Variants in ANO6 observed in about 807,000 individuals in gnomAD.
The protein encoded by ANO6 is anoctamin-6.
Under a neutral mutation model 117.5 loss-of-function variants are expected in ANO6, and 106 were observed. That is an observed-to-expected ratio of 0.90 (90% confidence interval 0.77 to 1.06). ANO6 has a LOEUF of 1.06. ANO6 is among the 50% of genes least tolerant of loss of function. The pLI, the probability that ANO6 is intolerant of heterozygous loss-of-function variation, is 0.00. For synonymous variants in ANO6, 367 were observed against 385.1 expected, an observed-to-expected ratio of 0.95 and a Z score of 0.55; for missense variants, 955 against 1,121.1, an observed-to-expected ratio of 0.85 and a Z score of 2.12.
rs979984506 is a variant in ANO6 at position 45,416,584 on chromosome 12, G to C, written c.2012-115G>C. 1.3e-5 allele frequency: 11 copies of C among 873,400 alleles called. No homozygotes were observed. In the East Asian group the frequency reaches 2.9e-4, roughly 23 times the overall value. 54.1% of individuals were successfully genotyped at this position (873,400 alleles called of 1,614,324 possible). The stretch of plus-strand genomic sequence containing the variant: ...GAACACTAAATTATTATTTACCACA[G>C]ATGTGTTTTCTCTCTGGGATTTAGT... On this transcript the variant is annotated intron_variant, in intron 16 of 19. Transcript: ENST00000320560.
intron 12 of ANO6, among the ~76,000 whole-genome samples, chr12:45,400,307 T>C (rs1942749346): frequency 6.6e-6 from 1 of 152,198 alleles, no homozygotes; most frequent in African/African-American, 2.4e-5. Flanking sequence ...AAACACATAA[T>C]AAACACCCTG....
At chr12:45,247,455 T>G (rs1271414135) in intron 1 of ANO6, among the ~76,000 whole-genome samples, 1 of 152,220 alleles carries the variant, frequency 6.6e-6, no homozygotes. Context: ...GTAATTTGCC[T>G]AATGTTATGT....
intron 1 of ANO6, among the ~76,000 whole-genome samples, chr12:45,278,335 A>C (rs1938617015): frequency 1.3e-5 from 2 of 152,114 alleles, no homozygotes; most frequent in African/African-American, 4.8e-5. Flanking sequence ...TTTAATTCCT[A>C]ATCCTTTTCA....
chr12:45,359,595 G>T (rs1311380648), intron 8 of ANO6, among the ~76,000 whole-genome samples: 1 of 151,794 alleles, frequency 6.6e-6, no homozygotes, highest in Admixed American at 6.6e-5. Flanking sequence ...TGTTTTCAAG[G>T]TTCATCCATG....
chr12:45,384,138 A>G (rs956405606), intron 10 of ANO6, among the ~76,000 whole-genome samples: 1 of 152,184 alleles, frequency 6.6e-6, no homozygotes, highest in African/African-American at 2.4e-5. Context: ...AACCTCATGA[A>G]CCAACCTCTG....
intron 1 of ANO6, chr12:45,228,289 TC>T: frequency 3.8e-6 from 1 of 264,342 alleles, no homozygotes; most frequent in South Asian, 3.1e-5. Flanking sequence ...CACCAGGCCC[TC>T]CTTTTTTTTT....
intron 2 of ANO6, among the ~76,000 whole-genome samples, chr12:45,309,692 A>G (rs545978916): frequency 3.7e-5 from 1 of 27,062 alleles, no homozygotes; most frequent in Admixed American, 4.6e-4. Flanking sequence ...TTTCTTGGCT[A>G]ATCCCAGAAA....
At chr12:45,302,421 A>G (rs568031458) in intron 2 of ANO6, among the ~76,000 whole-genome samples, 2 of 152,314 alleles carry the variant, frequency 1.3e-5, no homozygotes, top group African/African-American at 2.4e-5. Flanking sequence ...TGTTGTTAGT[A>G]ACTCTGGAAA....
At chr12:45,306,659 A>T (rs1299021262) in intron 2 of ANO6, among the ~76,000 whole-genome samples, 1 of 152,146 alleles carries the variant, frequency 6.6e-6, no homozygotes, top group South Asian at 2.1e-4. Context: ...ATCCCAAGGA[A>T]GAGTTAAAAT....
chr12:45,287,894 T>C (rs1277601539), intron 1 of ANO6, among the ~76,000 whole-genome samples: 1 of 152,208 alleles, frequency 6.6e-6, no homozygotes, highest in Non-Finnish European at 1.5e-5. Context: ...TACATTTTTT[T>C]AACCCCATAT....
At chr12:45,425,486 G>A (rs73283320) in intron 19 of ANO6, among the ~76,000 whole-genome samples, 14 of 152,250 alleles carry the variant, frequency 9.2e-5, no homozygotes, top group African/African-American at 2.4e-4. Context: ...GAAAGTAACC[G>A]GAGGGAAAAA....
rs12298823 is a variant in ANO6 at position 45,406,098 on chromosome 12, C to T, written c.1880+2562C>T. Among the ~76,000 whole-genome samples the T allele has an allele frequency of 9.6e-3, 1,465 of 152,312 alleles. 25 individuals carry two copies. The highest frequency in any genetic ancestry group is 0.034 in the African/African-American group (1,406 of 41,564). On this transcript the variant is annotated intron_variant, in intron 15 of 19. Coordinates refer to ENST00000320560, the MANE Select transcript of ANO6 (RefSeq NM_001025356.3). Reference sequence around the variant, plus strand: ...CCTTCCTTCCTCTCCCGCCTTTGGGCCCATACCCCTTGACTAGGATTCTTG... The same window carrying T: ...CCTTCCTTCCTCTCCCGCCTTTGGGTCCATACCCCTTGACTAGGATTCTTG...
At chr12:45,333,121 T>C (rs1207031250) in intron 3 of ANO6, among the ~76,000 whole-genome samples, 1 of 152,066 alleles carries the variant, frequency 6.6e-6, no homozygotes, top group Non-Finnish European at 1.5e-5. Context: ...ATCCTAATAC[T>C]TAGCCTATAT....
At position 45,293,729 on chromosome 12, in the gene ANO6, G is replaced by GTTTTTTTTTT. The variant is rs138396024; in HGVS notation, c.71-8267_71-8258dup. 2.0e-3 allele frequency among the ~76,000 whole-genome samples: 99 copies of GTTTTTTTTTT among 48,398 alleles called. 2 individuals are homozygous for GTTTTTTTTTT. The highest frequency in any genetic ancestry group is 2.4e-3 in the Non-Finnish European group (66 of 27,664). 31.8% of individuals were successfully genotyped at this position (48,398 alleles called of 152,430 possible). A position where few individuals can be genotyped will look rare whatever the true frequency, so the allele number is the denominator to read the frequency against. ...GTGCCTGCCACCATGCCTGGCTAAT[G>GTTTTTTTTTT]TTTTTTTTTTTTTTTTTTTTTTTTT... On this transcript the variant is annotated intron_variant, in intron 1 of 19. Transcript: ENST00000320560.
intron 2 of ANO6, among the ~76,000 whole-genome samples, chr12:45,304,754 G>A (rs1939610239): frequency 6.6e-6 from 1 of 152,168 alleles, no homozygotes; most frequent in South Asian, 2.1e-4. Context: ...CGAGACCTAA[G>A]AGAACATTGC....
At chr12:45,266,017 C>T (rs1029051227) in intron 1 of ANO6, among the ~76,000 whole-genome samples, 2 of 152,228 alleles carry the variant, frequency 1.3e-5, no homozygotes, top group Non-Finnish European at 2.9e-5. Context: ...GCTTTTATTT[C>T]TAATCCCAGA....
intron 8 of ANO6, among the ~76,000 whole-genome samples, chr12:45,360,338 TC>T (rs1162255554): frequency 6.6e-6 from 1 of 151,600 alleles, no homozygotes; most frequent in Non-Finnish European, 1.5e-5. Context: ...GAATGCTGCA[TC>T]TTCACATAGC....
At chr12:45,354,998 C>T (rs1002784876) in intron 7 of ANO6, among the ~76,000 whole-genome samples, 11 of 152,028 alleles carry the variant, frequency 7.2e-5, no homozygotes, top group Admixed American at 1.3e-4. Flanking sequence ...CAGCACTTCT[C>T]GCATGTTATT....
chr12:45,373,017 A>T (rs1593029294), intron 9 of ANO6, among the ~76,000 whole-genome samples: 1 of 152,202 alleles, frequency 6.6e-6, no homozygotes, highest in Non-Finnish European at 1.5e-5. Context: ...ATGGAGGAAG[A>T]TCTACCAAGC....
Sources: allele counts gnomAD v4.1 joint callset (sites outside exome capture counted in the v4.1 genomes callset), GRCh38; gene constraint gnomAD v4.1.1; transcripts MANE v1.5; gene names NCBI Gene and HGNC (gene_info 2026-07-23, HGNC 2026-07-21).